Variants in ATP8A2 observed in about 807,000 individuals in gnomAD.
The protein encoded by ATP8A2 is phospholipid-transporting ATPase IB.
Under a neutral mutation model 165.6 loss-of-function variants are expected in ATP8A2, and 100 were observed. That is an observed-to-expected ratio of 0.60 (90% CI 0.51 to 0.71). The LOEUF is 0.71. Ranked by LOEUF, ATP8A2 falls within the 30% of genes least tolerant of loss-of-function variation. ATP8A2 has a pLI of 0.00. For synonymous variants in ATP8A2, 543 were observed against 548.8 expected, an observed-to-expected ratio of 0.99 and a Z score of 0.15; for missense variants, 1,227 against 1,479.5, an observed-to-expected ratio of 0.83 and a Z score of 2.80.
chr13:25,923,755 C>T (rs981638245), intron 33 of ATP8A2, among the ~76,000 whole-genome samples: 4 of 151,914 alleles, frequency 2.6e-5, no homozygotes, highest in African/African-American at 7.3e-5. Flanking sequence ...CTAGATCCAG[C>T]GTAGGAATAT....
At chr13:25,800,312 C>G (rs1488786569) in intron 27 of ATP8A2, among the ~76,000 whole-genome samples, 1 of 152,212 alleles carries the variant, frequency 6.6e-6, no homozygotes, top group Non-Finnish European at 1.5e-5. Flanking sequence ...TACCAGGAAC[C>G]TGTGCAGACC....
At chr13:25,516,220 AC>A (rs971110370) in intron 2 of ATP8A2, among the ~76,000 whole-genome samples, 120 of 152,132 alleles carry the variant, frequency 7.9e-4, no homozygotes, top group African/African-American at 2.0e-3. Flanking sequence ...TAGTTCCTGA[AC>A]CCTGTCTCCT....
chr13:25,507,329 G>C lies in ATP8A2; in HGVS notation c.222-22670G>C, dbSNP rs1435589213. ...CACCCAGGCTGGAGTGTAGTGGTGCGATCTTGGCTCACTGCAGTCTCCGCC... is the reference window on the plus strand; with the variant it reads ...CACCCAGGCTGGAGTGTAGTGGTGCCATCTTGGCTCACTGCAGTCTCCGCC... On this transcript the variant is annotated intron_variant, in intron 2 of 36. Transcript: ENST00000381655. 3.3e-5 allele frequency among the ~76,000 whole-genome samples: 5 copies of C among 151,272 alleles called. No individual in the cohort carries two copies. The East Asian group carries it at 7.8e-4, about 24-fold the overall frequency.
At chr13:25,391,602 G>T (rs759138015) in intron 1 of ATP8A2, among the ~76,000 whole-genome samples, 38 of 152,206 alleles carry the variant, frequency 2.5e-4, no homozygotes, top group Non-Finnish European at 4.4e-4. Context: ...GTCCTTGGGG[G>T]CAGGAAGCTC....
At chr13:25,896,940 A>T (rs1314824866) in intron 33 of ATP8A2, among the ~76,000 whole-genome samples, 1 of 151,974 alleles carries the variant, frequency 6.6e-6, no homozygotes, top group Non-Finnish European at 1.5e-5. Context: ...TGCACGTGAG[A>T]TGGGTTTCCT....
At chr13:26,015,542 G>GAAT (rs1160553660) in intron 36 of ATP8A2, among the ~76,000 whole-genome samples, 1 of 151,978 alleles carries the variant, frequency 6.6e-6, no homozygotes, top group Non-Finnish European at 1.5e-5. Flanking sequence ...GATGCTATCA[G>GAAT]AGCACAGATT....
chr13:25,751,651 G>A (rs2044155814), intron 25 of ATP8A2, among the ~76,000 whole-genome samples: 2 of 152,038 alleles, frequency 1.3e-5, no homozygotes, highest in South Asian at 4.2e-4. Context: ...GCCCAGGCTG[G>A]TCTTGAACTT....
Position 25,490,485 on chromosome 13 carries a change from G to C in ATP8A2, c.221+21364G>C, listed in dbSNP as rs189892112. On this transcript the variant is annotated intron_variant, in intron 2 of 36. Transcript: ENST00000381655. ...ATGGCACAGATGAGGAAACACACCAGAAAGAGTTACATAACTTGCCTGAGT... is the reference window on the plus strand; with the variant it reads ...ATGGCACAGATGAGGAAACACACCACAAAGAGTTACATAACTTGCCTGAGT... Among the ~76,000 whole-genome samples, 185 of 152,334 alleles carry C rather than the reference G, an allele frequency of 1.2e-3. 1 individual carries two copies. Among genetic ancestry groups the C allele is most frequent in the Middle Eastern group, 6.8e-3 (2 of 294 alleles).
intron 35 of ATP8A2, among the ~76,000 whole-genome samples, chr13:25,985,124 T>C (rs932576380): frequency 9.2e-5 from 14 of 152,254 alleles, no homozygotes; most frequent in African/African-American, 2.9e-4. Context: ...CCCAGGGCAC[T>C]GCTAATGCGG....
chr13:25,512,456 G>A (rs1391185917), intron 2 of ATP8A2, among the ~76,000 whole-genome samples: 5 of 152,096 alleles, frequency 3.3e-5, no homozygotes, highest in African/African-American at 1.2e-4. Flanking sequence ...AGTGGGGGCG[G>A]CCAGGCAGAG....
At chr13:25,921,249 C>T (rs866219182) in intron 33 of ATP8A2, among the ~76,000 whole-genome samples, 2 of 152,116 alleles carry the variant, frequency 1.3e-5, no homozygotes, top group African/African-American at 4.8e-5. Flanking sequence ...TCCTACAAAA[C>T]AGTATGCTAA....
Position 26,010,142 on chromosome 13 carries a change from G to A in ATP8A2, c.3378-2389G>A, listed in dbSNP as rs115625476. ...TCACCACTCTAGGCGGCATCTAGGC[G>A]GCGTCTGCCAGCACAGGAGCCCTGC... On this transcript the variant is annotated intron_variant, in intron 35 of 36. Coordinates refer to ENST00000381655, the MANE Select transcript of ATP8A2 (RefSeq NM_016529.6). 6.8e-3 allele frequency among the ~76,000 whole-genome samples: 1,035 copies of A among 152,296 alleles called. 8 individuals are homozygous for A. Among genetic ancestry groups the A allele is most frequent in the African/African-American group, 0.023 (976 of 41,572 alleles).
chr13:25,791,386 T>A (rs542259305), intron 27 of ATP8A2, among the ~76,000 whole-genome samples: 2 of 151,118 alleles, frequency 1.3e-5, no homozygotes, highest in African/African-American at 4.9e-5. Context: ...TATTGGAGGG[T>A]GGAGGATGGG....
At chr13:25,942,988 A>G (rs1016256888) in intron 33 of ATP8A2, among the ~76,000 whole-genome samples, 2 of 152,008 alleles carry the variant, frequency 1.3e-5, no homozygotes, top group Non-Finnish European at 2.9e-5. Context: ...AGCATTGTCC[A>G]GTGAGGTTTT....
intron 28 of ATP8A2, among the ~76,000 whole-genome samples, chr13:25,832,691 G>A (rs1951509824): frequency 6.6e-6 from 1 of 152,132 alleles, no homozygotes. Context: ...ACAGAAAAAA[G>A]CCATTTAACC....
chr13:25,400,388 T>C (rs1165413668), intron 1 of ATP8A2, among the ~76,000 whole-genome samples: 1 of 152,240 alleles, frequency 6.6e-6, no homozygotes, highest in Non-Finnish European at 1.5e-5. Context: ...CTTTTATTGA[T>C]ACATAATATT....
chr13:25,663,896 G>A (rs2042099121), intron 24 of ATP8A2, among the ~76,000 whole-genome samples: 1 of 152,134 alleles, frequency 6.6e-6, no homozygotes, highest in Non-Finnish European at 1.5e-5. Flanking sequence ...AAAATATTCT[G>A]AAGTTTAATT....
At chr13:25,693,974 C>T (rs1239201517) in intron 24 of ATP8A2, among the ~76,000 whole-genome samples, 1 of 152,218 alleles carries the variant, frequency 6.6e-6, no homozygotes, top group African/African-American at 2.4e-5. Context: ...AAGTAATTCT[C>T]CTGCCTCAGC....
At chr13:25,518,652 C>T (rs1486272508) in intron 2 of ATP8A2, among the ~76,000 whole-genome samples, 1 of 152,130 alleles carries the variant, frequency 6.6e-6, no homozygotes, top group Non-Finnish European at 1.5e-5. Context: ...CAATTTTTCT[C>T]GTAGCTGGAA....
Sources: allele counts gnomAD v4.1 joint callset (sites outside exome capture counted in the v4.1 genomes callset), GRCh38; gene constraint gnomAD v4.1.1; transcripts MANE v1.5; gene names NCBI Gene and HGNC (gene_info 2026-07-23, HGNC 2026-07-21).